The following LRP5 variants were observed in gnomAD, a reference collection of about 807,000 sequenced individuals.
The protein encoded by LRP5 is low-density lipoprotein receptor-related protein 5.
In LRP5, 62 loss-of-function variants were observed where a neutral mutation model predicts 154.1. The observed-to-expected ratio is 0.40, with a 90% CI of 0.33 to 0.50. The LOEUF is 0.50. Ranked by LOEUF, LRP5 falls within the 20% of genes least tolerant of loss-of-function variation. The pLI, the probability that LRP5 is intolerant of heterozygous loss-of-function variation, is 0.55. For synonymous variants in LRP5, 966 were observed against 1,011.5 expected (o/e 0.96, Z 0.85); for missense variants, 1,915 against 2,336.7 (o/e 0.82, Z 3.72).
the LRP5 span, among the ~76,000 whole-genome samples, chr11:68,304,420 C>T: frequency 1.3e-5 from 2 of 152,254 alleles, no homozygotes; most frequent in South Asian, 4.1e-4. Flanking sequence ...AGCCTGGGAG[C>T]CCAGGAAGAA....
At chr11:68,309,188 C>G (rs1384937987), upstream of LRP5, among the ~76,000 whole-genome samples, 1 of 151,538 alleles carries the variant, frequency 6.6e-6, no homozygotes, top group Non-Finnish European at 1.5e-5. Context: ...CCACCTCGGC[C>G]TCCCAAAGTG....
chr11:68,405,642 C>T lies in LRP5; in HGVS notation c.1802-882C>T, dbSNP rs917308924. On this transcript the variant is annotated intron_variant, in intron 8 of 22. Coordinates refer to ENST00000294304, the MANE Select transcript of LRP5 (RefSeq NM_002335.4). Reference sequence around the variant, plus strand: ...GCTTCTTCCCCCTCCCCTCTCACCCCGTGGTTTGCTAAAGGAGATGGGAAA... The same window carrying T: ...GCTTCTTCCCCCTCCCCTCTCACCCTGTGGTTTGCTAAAGGAGATGGGAAA... Among the ~76,000 whole-genome samples the T allele has an allele frequency of 4.6e-5, 7 of 152,252 alleles. No individual in the cohort carries two copies. The East Asian group carries it at 7.7e-4, about 17-fold the overall frequency.
rs777352225 is a variant in LRP5, at chr11:68,312,766, C to G, written c.52C>G (p.Leu18Val). ...PPWPLLLLLL[L>V]LLALCGCPAP... Reference sequence around the variant, plus strand: ...GTGGCCGCTGCTGCTGCTGCTGCTGCTGCTGCTGGCGCTGTGCGGCTGCCC... The same window carrying G: ...GTGGCCGCTGCTGCTGCTGCTGCTGGTGCTGCTGGCGCTGTGCGGCTGCCC... The change falls in exon 1 of 23, where the codon CTG becomes GTG. Residue 18 changes from leucine (L) to valine (V), a missense_variant. Physicochemically the swap from Leu to Val is conservative, Grantham distance 32 (BLOSUM62 1). Coordinates refer to ENST00000294304, the MANE Select transcript of LRP5 (RefSeq NM_002335.4). 1.8e-6 allele frequency: 2 copies of G among 1,088,690 alleles called. No individual in the cohort carries two copies. The highest frequency in any genetic ancestry group is 1.1e-6 in the Non-Finnish European group (1 of 890,118). The allele number at this position is 1,088,690 out of a possible 1,614,324, so 67.4% of individuals were successfully genotyped here. A position where few individuals can be genotyped will look rare whatever the true frequency, so the allele number is the denominator to read the frequency against.
At chr11:68,443,269 G>A (rs892090695) in intron 21 of LRP5, among the ~76,000 whole-genome samples, 3 of 151,888 alleles carry the variant, frequency 2.0e-5, no homozygotes, top group African/African-American at 7.2e-5. Context: ...TTAGGAGGCT[G>A]AGATGAGCGG....
chr11:68,347,160 T>C (rs1416547343), intron 1 of LRP5, among the ~76,000 whole-genome samples: 1 of 152,170 alleles, frequency 6.6e-6, no homozygotes, highest in African/African-American at 2.4e-5. Flanking sequence ...TTGTTCTGCA[T>C]GGCACTGGCA....
At chr11:68,341,059 C>CTTTGTTTTTTTTTTTTT (rs2098608755) in intron 1 of LRP5, among the ~76,000 whole-genome samples, 1 of 83,496 alleles carries the variant, frequency 1.2e-5, no homozygotes, top group African/African-American at 4.8e-5. Flanking sequence ...GGAGATTGTT[C>CTTTGTTTTTTTTTTTTT]TTTTTTTTTT....
At chr11:68,443,504 A>G (rs1236067471) in intron 21 of LRP5, among the ~76,000 whole-genome samples, 13 of 131,348 alleles carry the variant, frequency 9.9e-5, no homozygotes, top group Admixed American at 4.7e-4. Context: ...AAAAAAAAAA[A>G]AAAGAAAAGA....
intron 7 of LRP5, among the ~76,000 whole-genome samples, chr11:68,391,246 G>A (rs573699069): frequency 7.2e-5 from 11 of 152,328 alleles, no homozygotes; most frequent in African/African-American, 2.6e-4. Context: ...TGGGATTACA[G>A]GCGTGAGCCA....
At chr11:68,310,183 G>T (rs1196415965), upstream of LRP5, among the ~76,000 whole-genome samples, 14 of 152,154 alleles carry the variant, frequency 9.2e-5, no homozygotes, top group African/African-American at 3.4e-4. Flanking sequence ...GGTGGTGGTG[G>T]GGGGTGTGGT....
chr11:68,378,710 A>G (rs923936160), intron 5 of LRP5, among the ~76,000 whole-genome samples: 3 of 152,108 alleles, frequency 2.0e-5, no homozygotes, highest in African/African-American at 7.2e-5. Flanking sequence ...GTGTCCATGT[A>G]TCTTGTGCAC....
At chr11:68,390,885 C>T (rs541350722) in intron 7 of LRP5, among the ~76,000 whole-genome samples, 2 of 152,210 alleles carry the variant, frequency 1.3e-5, no homozygotes, top group African/African-American at 2.4e-5. Context: ...TCAGTGGCCT[C>T]GTCCCATGGG....
At chr11:68,355,534 G>A (rs1474394056) in intron 2 of LRP5, among the ~76,000 whole-genome samples, 1 of 152,182 alleles carries the variant, frequency 6.6e-6, no homozygotes, top group East Asian at 1.9e-4. Flanking sequence ...CTCCAAGCTG[G>A]TGTGGTTCCC....
Position 68,386,289 on chromosome 11 carries a change from C to T in LRP5, c.1016-27C>T. The T allele has an allele frequency of 6.2e-7, 1 of 1,608,686 alleles. No individual in the cohort carries two copies. The highest frequency in any genetic ancestry group is 8.5e-7 in the Non-Finnish European group (1 of 1,179,950). On this transcript the variant is annotated intron_variant, in intron 5 of 22. Coordinates refer to ENST00000294304, the MANE Select transcript of LRP5 (RefSeq NM_002335.4). This position sits in a 1 kb window ranked among gnomAD's most constrained non-coding sequence, Gnocchi z 7.9. ...TGTGCCTGCTGCAGGCCCTTGACCC[C>T]TGACCCCATTGCACCTGTCTCCACA... is the stretch of plus-strand genomic sequence containing the variant.
At chr11:68,344,714 T>C (rs2098611293) in intron 1 of LRP5, among the ~76,000 whole-genome samples, 1 of 152,136 alleles carries the variant, frequency 6.6e-6, no homozygotes, top group Non-Finnish European at 1.5e-5. Context: ...GCTTTCTGTC[T>C]CAATGAATTT....
In LRP5 at chr11:68,426,206, T is replaced by G; in HGVS notation, c.3637+19T>G. On this transcript the variant is annotated intron_variant, in intron 16 of 22. Coordinates refer to ENST00000294304, the MANE Select transcript of LRP5 (RefSeq NM_002335.4). ...GAGTTCTGTACGTGGGGGCTGGCAGTGGGGTGGGCAGGGTGGCCTCTAAAC... is the reference window on the plus strand; with the variant it reads ...GAGTTCTGTACGTGGGGGCTGGCAGGGGGGTGGGCAGGGTGGCCTCTAAAC... The G allele has an allele frequency of 6.2e-7, 1 of 1,605,132 alleles. No homozygotes were observed. Among genetic ancestry groups the G allele is most frequent in the Non-Finnish European group, 8.5e-7 (1 of 1,177,036 alleles).
At chr11:68,312,999 C>T (rs1394038535) in intron 1 of LRP5, among the ~76,000 whole-genome samples, 194 bp downstream of exon 1, 1 of 148,142 alleles carries the variant, frequency 6.8e-6, no homozygotes, top group African/African-American at 2.4e-5. Context: ...GTCTCCCCAC[C>T]CGGGCCCTCC....
intron 8 of LRP5, among the ~76,000 whole-genome samples, chr11:68,404,579 T>C (rs1000793559): frequency 6.6e-6 from 1 of 152,166 alleles, no homozygotes; most frequent in African/African-American, 2.4e-5. Context: ...CCTGGAGCAG[T>C]GAGTGCTTCC....
intron 14 of LRP5, among the ~76,000 whole-genome samples, chr11:68,424,345 C>CT (rs2098667485): frequency 6.6e-6 from 1 of 152,228 alleles, no homozygotes; most frequent in Admixed American, 6.5e-5. Flanking sequence ...AGCCCTGACT[C>CT]TGTCACTTAC....
At chr11:68,304,893 T>C in the LRP5 span, among the ~76,000 whole-genome samples, 3 of 152,358 alleles carry the variant, frequency 2.0e-5, no homozygotes, top group East Asian at 5.8e-4. Context: ...AGTAAATAAC[T>C]GTTTTCATTT....
Sources: allele counts gnomAD v4.1 joint callset (sites outside exome capture counted in the v4.1 genomes callset), GRCh38; gene constraint gnomAD v4.1.1; non-coding constraint Gnocchi (gnomAD v3.1); transcripts MANE v1.5; gene names NCBI Gene and HGNC (gene_info 2026-07-23, HGNC 2026-07-21).